Variants in PTPRD observed in about 807,000 individuals in gnomAD.
PTPRD encodes the protein protein tyrosine phosphatase receptor type D, also known as receptor-type tyrosine-protein phosphatase delta.
PTPRD carries 34 observed loss-of-function variants against 214.5 expected under a neutral mutation model. That is an observed-to-expected ratio of 0.16 (90% CI 0.12 to 0.21). The LOEUF is 0.21. Ranked by LOEUF, PTPRD falls within the 10% of genes least tolerant of loss-of-function variation. PTPRD has a pLI of 1.00. For synonymous variants in PTPRD, 1,128 were observed against 845.7 expected, an observed-to-expected ratio of 1.33 and a Z score of -5.79; for missense variants, 2,545 against 2,398.7, an observed-to-expected ratio of 1.06 and a Z score of -1.27.
chr9:10,235,156 A>C (rs561041336), intron 3 of PTPRD, among the ~76,000 whole-genome samples: 2 of 152,080 alleles, frequency 1.3e-5, no homozygotes, highest in South Asian at 2.1e-4. Flanking sequence ...AACTTACTTC[A>C]ATGGTAGAAT....
chr9:9,890,965 T>C (rs747574872), intron 5 of PTPRD, among the ~76,000 whole-genome samples: 1 of 152,156 alleles, frequency 6.6e-6, no homozygotes, highest in Non-Finnish European at 1.5e-5. Context: ...TCTACATCGC[T>C]GGCAGTAAGA....
At chr9:10,272,152 T>G (rs1475991854) in intron 3 of PTPRD, among the ~76,000 whole-genome samples, 1 of 152,176 alleles carries the variant, frequency 6.6e-6, no homozygotes, top group East Asian at 1.9e-4. Flanking sequence ...TATGTATCTC[T>G]CTATATCTAC....
At chr9:9,167,690 G>T (rs192785587) in intron 10 of PTPRD, among the ~76,000 whole-genome samples, 2 of 152,090 alleles carry the variant, frequency 1.3e-5, no homozygotes, top group East Asian at 3.9e-4. Context: ...AGGAGGCAGA[G>T]GTTGTGGTGA....
chr9:10,389,336 T>C (rs991577113), intron 2 of PTPRD, among the ~76,000 whole-genome samples: 1 of 151,882 alleles, frequency 6.6e-6, no homozygotes, highest in African/African-American at 2.4e-5. Flanking sequence ...ATCTGACATT[T>C]TGGAAATTAG....
intron 8 of PTPRD, among the ~76,000 whole-genome samples, chr9:9,524,184 G>A (rs2073439931): frequency 6.6e-6 from 1 of 152,140 alleles, no homozygotes; most frequent in Non-Finnish European, 1.5e-5. Flanking sequence ...ATTTCTGGAG[G>A]TGAGTATGGG....
At chr9:8,952,106 T>C (rs1451797000) in intron 11 of PTPRD, among the ~76,000 whole-genome samples, 1 of 152,016 alleles carries the variant, frequency 6.6e-6, no homozygotes, top group African/African-American at 2.4e-5. Flanking sequence ...ATGTTCTCTG[T>C]ATATAATTCC....
intron 9 of PTPRD, among the ~76,000 whole-genome samples, chr9:9,207,509 C>G (rs2099945617): frequency 6.6e-6 from 1 of 152,080 alleles, no homozygotes; most frequent in Non-Finnish European, 1.5e-5. Context: ...AGCTATTAGA[C>G]TGACAAAACT....
At chr9:9,887,212 TTG>T (rs1181517199) in intron 5 of PTPRD, among the ~76,000 whole-genome samples, 1 of 152,116 alleles carries the variant, frequency 6.6e-6, no homozygotes, top group African/African-American at 2.4e-5. Context: ...CATAGCAGAA[TTG>T]TTTGTTCACT....
intron 35 of PTPRD, among the ~76,000 whole-genome samples, chr9:8,407,849 A>G (rs1432538819): frequency 2.0e-5 from 3 of 152,226 alleles, no homozygotes; most frequent in Non-Finnish European, 4.4e-5. Flanking sequence ...AACGTTTAAC[A>G]AAACACAACA....
In PTPRD at chr9:10,511,978, ATATATATATAC is replaced by A. The variant is rs1305179550; in HGVS notation, c.-600+100409_-600+100419del. On this transcript the variant is annotated intron_variant, in intron 2 of 45. Coordinates refer to ENST00000381196, the MANE Select transcript of PTPRD (RefSeq NM_002839.4). The stretch of plus-strand genomic sequence containing the variant: ...TGTATATATATATACGTGTGTGTGT[ATATATATATAC>A]GTGTGTGTATATATATATATACGTG... Among the ~76,000 whole-genome samples, 547 of 104,954 alleles carry A rather than the reference ATATATATATAC, an allele frequency of 5.2e-3. 19 individuals carry two copies. The highest frequency in any genetic ancestry group is 0.018 in the African/African-American group (527 of 28,872). The allele number at this position is 104,954 out of a possible 152,430, so 68.9% of individuals were successfully genotyped here. A position where few individuals can be genotyped will look rare whatever the true frequency, so the allele number is the denominator to read the frequency against.
At chr9:10,225,122 C>G (rs1055863542) in intron 3 of PTPRD, among the ~76,000 whole-genome samples, 5 of 151,560 alleles carry the variant, frequency 3.3e-5, no homozygotes, top group African/African-American at 9.7e-5. Flanking sequence ...ATCTATAGCT[C>G]CATGTCATAA....
intron 10 of PTPRD, among the ~76,000 whole-genome samples, chr9:9,143,169 T>C (rs949030484): frequency 2.0e-5 from 3 of 152,196 alleles, no homozygotes; most frequent in Non-Finnish European, 4.4e-5. Flanking sequence ...CATTGGAGCA[T>C]GCTATTTGTT....
rs1209323585 is a variant in PTPRD at position 10,509,469 on chromosome 9, C to CTAT, written c.-600+102928_-600+102929insATA. Among the ~76,000 whole-genome samples the CTAT allele has an allele frequency of 1.1e-3, 80 of 72,124 alleles. 1 individual carries two copies. The highest frequency in any genetic ancestry group is 1.5e-3 in the Non-Finnish European group (50 of 34,350). 47.3% of individuals were successfully genotyped at this position (72,124 alleles called of 152,430 possible). A position where few individuals can be genotyped will look rare whatever the true frequency, so the allele number is the denominator to read the frequency against. ...TGGCTCCTGTGCCCTTTTGATTGAT[C>CTAT]CATCTATCTATCTATCTATCTATCT... On this transcript the variant is annotated intron_variant, in intron 2 of 45. Transcript: ENST00000381196.
intron 7 of PTPRD, among the ~76,000 whole-genome samples, chr9:9,693,793 C>T (rs1367855348): frequency 6.6e-6 from 1 of 152,244 alleles, no homozygotes; most frequent in South Asian, 2.1e-4. Context: ...ATTCTCTTTG[C>T]TTTTGTCTCC....
At chr9:10,032,396 G>C (rs1359671295) in intron 4 of PTPRD, among the ~76,000 whole-genome samples, 2 of 152,140 alleles carry the variant, frequency 1.3e-5, no homozygotes, top group African/African-American at 2.4e-5. Context: ...GATATCTTTG[G>C]AGATATTCTA....
intron 3 of PTPRD, among the ~76,000 whole-genome samples, chr9:10,326,558 A>G (rs1219846831): frequency 6.6e-6 from 1 of 151,618 alleles, no homozygotes. Context: ...AATTGTTTTT[A>G]CACCCATTTT....
At chr9:10,234,537 G>A (rs1031778037) in intron 3 of PTPRD, among the ~76,000 whole-genome samples, 7 of 151,806 alleles carry the variant, frequency 4.6e-5, no homozygotes, top group Non-Finnish European at 2.9e-5. Context: ...TATCAAAGCA[G>A]TAAGAAATTT....
chr9:10,053,389 G>A (rs950860694), intron 3 of PTPRD, among the ~76,000 whole-genome samples: 1 of 152,100 alleles, frequency 6.6e-6, no homozygotes, highest in Non-Finnish European at 1.5e-5. Context: ...GATATCAGTA[G>A]GTTTTACAAG....
At position 8,833,446 on chromosome 9, in the gene PTPRD, G is replaced by A. The variant is rs370318201; in HGVS notation, c.-103-99500C>T. ...ATTTAATTATCTAAGTTTATTCATCGCTTTAGTAGATGTTACATATATATT... is the reference window on the plus strand; with the variant it reads ...ATTTAATTATCTAAGTTTATTCATCACTTTAGTAGATGTTACATATATATT... On this transcript the variant is annotated intron_variant, in intron 11 of 45. Coordinates refer to ENST00000381196, the MANE Select transcript of PTPRD (RefSeq NM_002839.4). Among the ~76,000 whole-genome samples, 15 of 152,014 alleles carry A rather than the reference G, an allele frequency of 9.9e-5. No individual in the cohort carries two copies. In the South Asian group the frequency reaches 2.3e-3, roughly 23 times the overall value.
Sources: gnomAD v4.1 joint callset for allele counts (sites outside exome capture counted in the v4.1 genomes callset) on GRCh38, gnomAD v4.1.1 for gene constraint, MANE v1.5 for transcripts, NCBI Gene and HGNC (gene_info 2026-07-23, HGNC 2026-07-21) for gene names.